Variants in MED13L observed in about 807,000 individuals in gnomAD.
MED13L encodes mediator of RNA polymerase II transcription subunit 13-like.
In MED13L, 7 loss-of-function variants were observed where a neutral mutation model predicts 220.9. That is an observed-to-expected ratio of 0.03 (90% CI 0.02 to 0.06). MED13L has a LOEUF of 0.06. MED13L is among the 10% of genes least tolerant of loss of function. MED13L has a pLI of 1.00. For missense variants in MED13L, 1,965 were observed against 2,760.5 expected, an observed-to-expected ratio of 0.71 and a Z score of 6.46; for synonymous variants, 1,011 against 1,015.2, an observed-to-expected ratio of 1.00 and a Z score of 0.08.
chr12:116,200,079 CAAA>C (rs36110388), intron 2 of MED13L, among the ~76,000 whole-genome samples: 10 of 116,874 alleles, frequency 8.6e-5, no homozygotes, highest in Admixed American at 1.7e-4. Flanking sequence ...GGATGCTTTT[CAAA>C]AAAAAAAAAA....
intron 3 of MED13L, among the ~76,000 whole-genome samples, chr12:116,104,026 T>TTTTTTTTTTTTTTTA (rs1873332750): frequency 7.4e-6 from 1 of 135,850 alleles, no homozygotes. Flanking sequence ...TTTTTTTTTT[T>TTTTTTTTTTTTTTTA]TGAGACGGAG....
chr12:115,985,663 T>TA (rs1175581266), intron 19 of MED13L, among the ~76,000 whole-genome samples: 1 of 152,208 alleles, frequency 6.6e-6, no homozygotes, highest in African/African-American at 2.4e-5. Flanking sequence ...CTATTTTTTT[T>TA]AAAGCAACAG....
chr12:115,985,118 A>C (rs754789509), intron 19 of MED13L, among the ~76,000 whole-genome samples: 3 of 152,204 alleles, frequency 2.0e-5, no homozygotes, highest in Non-Finnish European at 4.4e-5. Context: ...ACCCTAGTGA[A>C]GTCATTAAGA....
chr12:116,224,677 A>ATTG (rs1555224263), intron 2 of MED13L, among the ~76,000 whole-genome samples: 1 of 151,922 alleles, frequency 6.6e-6, no homozygotes, highest in Non-Finnish European at 1.5e-5. Context: ...TGTTGTTGTT[A>ATTG]TTGTTTTGTT....
chr12:116,228,201 T>A (rs984330287), intron 2 of MED13L, among the ~76,000 whole-genome samples: 2 of 152,092 alleles, frequency 1.3e-5, no homozygotes, highest in African/African-American at 4.8e-5. Flanking sequence ...AGATTCCATC[T>A]CCCTTACATA....
intron 22 of MED13L, 89 bp from the exon 23 acceptor site, chr12:115,981,027 G>T: frequency 9.0e-7 from 1 of 1,112,142 alleles, no homozygotes; most frequent in South Asian, 1.4e-5. Context: ...AAAAGGAAAC[G>T]GCATGAATTC....
intron 3 of MED13L, among the ~76,000 whole-genome samples, chr12:116,104,618 CA>C (rs1010506736): frequency 5.3e-5 from 8 of 152,164 alleles, no homozygotes; most frequent in African/African-American, 1.9e-4. Flanking sequence ...TTATGTTTTA[CA>C]AATGTCAGAT....
chr12:116,179,205 G>A (rs773146442), intron 2 of MED13L, among the ~76,000 whole-genome samples: 11 of 30,098 alleles, frequency 3.7e-4, no homozygotes, highest in African/African-American at 1.1e-3. Context: ...GACGATTTAC[G>A]TGTGTGTGTG....
At chr12:116,104,968 C>T (rs1236987353) in intron 3 of MED13L, among the ~76,000 whole-genome samples, 4 of 152,128 alleles carry the variant, frequency 2.6e-5, no homozygotes, top group Admixed American at 2.0e-4. Context: ...ACATATTTTC[C>T]GGCTTTTTAA....
intron 2 of MED13L, among the ~76,000 whole-genome samples, chr12:116,157,700 C>G (rs1331888006): frequency 6.6e-6 from 1 of 152,228 alleles, no homozygotes; most frequent in East Asian, 1.9e-4. Context: ...CATTCTCCCA[C>G]AATATTTAGT....
chr12:116,136,708 G>A (rs1331775559), intron 2 of MED13L, among the ~76,000 whole-genome samples: 2 of 152,094 alleles, frequency 1.3e-5, no homozygotes. Flanking sequence ...CTCTTAATCT[G>A]TATTTTTATC....
chr12:116,167,564 A>C (rs1036206386), intron 2 of MED13L, among the ~76,000 whole-genome samples: 1 of 152,132 alleles, frequency 6.6e-6, no homozygotes, highest in Admixed American at 6.6e-5. Flanking sequence ...TTTTATGTGG[A>C]GATCACTTTG....
intron 4 of MED13L, among the ~76,000 whole-genome samples, chr12:116,077,326 C>G (rs542300498): frequency 5.3e-5 from 8 of 152,152 alleles, no homozygotes; most frequent in African/African-American, 1.7e-4. Context: ...CACTAATGGC[C>G]AAAGCAAGAT....
At chr12:116,259,296 G>A (rs572763528) in intron 1 of MED13L, among the ~76,000 whole-genome samples, 1 of 152,248 alleles carries the variant, frequency 6.6e-6, no homozygotes, top group East Asian at 1.9e-4. Flanking sequence ...TTTCTTATCT[G>A]TAATTTTTTT....
intron 4 of MED13L, among the ~76,000 whole-genome samples, chr12:116,066,219 T>TA: frequency 6.6e-6 from 1 of 151,926 alleles, no homozygotes; most frequent in Non-Finnish European, 1.5e-5. Context: ...CACACAAAAG[T>TA]AAAAAAGGTA....
intron 2 of MED13L, among the ~76,000 whole-genome samples, chr12:116,189,077 G>C (rs1269681663): frequency 6.6e-6 from 1 of 152,142 alleles, no homozygotes; most frequent in Non-Finnish European, 1.5e-5. Flanking sequence ...TAAATATCCA[G>C]GAATACAACT....
rs374451817 is a variant in MED13L at position 116,257,396 on chromosome 12, T to C, written c.72+19664A>G. 1.9e-4 allele frequency among the ~76,000 whole-genome samples: 29 copies of C among 152,324 alleles called. No homozygotes were observed. In the East Asian group the frequency reaches 5.2e-3, roughly 27 times the overall value. ...TGCAGTTAAGTAAGGCCTTGAAGTA[T>C]GGCCAGAAGTGTTGTAGGCAACTTC... On this transcript the variant is annotated intron_variant, in intron 1 of 30. Transcript: ENST00000281928.
chr12:116,000,723 T>G (rs1447052536), intron 14 of MED13L, among the ~76,000 whole-genome samples: 1 of 152,244 alleles, frequency 6.6e-6, no homozygotes, highest in African/African-American at 2.4e-5. Context: ...GTTTTTACTA[T>G]AACACAATAC....
intron 16 of MED13L, among the ~76,000 whole-genome samples, chr12:115,993,433 T>C (rs1878197850): frequency 6.6e-6 from 1 of 152,198 alleles, no homozygotes; most frequent in Admixed American, 6.5e-5. Context: ...GAAATGTCTC[T>C]TCAAATAATT....
Sources: gnomAD v4.1 joint callset for allele counts (sites outside exome capture counted in the v4.1 genomes callset) on GRCh38, gnomAD v4.1.1 for gene constraint, MANE v1.5 for transcripts, NCBI Gene and HGNC (gene_info 2026-07-23, HGNC 2026-07-21) for gene names.